The following GALK2 variants were observed in gnomAD, a reference collection of about 807,000 sequenced individuals.
GALK2 encodes the protein N-acetylgalactosamine kinase.
In GALK2, 36 loss-of-function variants were observed where a neutral mutation model predicts 52.4. That is an observed-to-expected ratio of 0.69 (90% CI 0.53 to 0.91). GALK2 has a LOEUF of 0.91. Among genes scored for constraint, GALK2 ranks in the 40% least tolerant of loss-of-function variants. The pLI is 0.00. For synonymous variants in GALK2, 176 were observed against 199.1 expected, an observed-to-expected ratio of 0.88 and a Z score of 0.98; for missense variants, 579 against 559.1, an observed-to-expected ratio of 1.04 and a Z score of -0.36.
intron 8 of GALK2, among the ~76,000 whole-genome samples, chr15:49,309,887 T>C (rs2035852245): frequency 6.6e-6 from 1 of 152,200 alleles, no homozygotes. Flanking sequence ...ATTACAGGCA[T>C]GAGCCACTGT....
intron 3 of GALK2, among the ~76,000 whole-genome samples, chr15:49,351,825 C>A (rs2042295626): frequency 6.6e-6 from 1 of 152,178 alleles, no homozygotes; most frequent in Non-Finnish European, 1.5e-5. Context: ...GGAGCCAGAT[C>A]TTTGTACATC....
intron 5 of GALK2, among the ~76,000 whole-genome samples, chr15:49,259,176 C>T (rs2091966821): frequency 1.3e-5 from 2 of 151,240 alleles, no homozygotes; most frequent in African/African-American, 4.9e-5. Context: ...GTGAGTAGTT[C>T]CATTATTTAT....
At chr15:49,202,734 G>A (rs2087890284) in intron 2 of GALK2, among the ~76,000 whole-genome samples, 1 of 152,146 alleles carries the variant, frequency 6.6e-6, no homozygotes, top group East Asian at 1.9e-4. Flanking sequence ...GGGATTGCTG[G>A]ATCATATGGT....
intron 2 of GALK2, among the ~76,000 whole-genome samples, chr15:49,209,675 A>G (rs888319850): frequency 6.6e-6 from 1 of 152,110 alleles, no homozygotes; most frequent in African/African-American, 2.4e-5. Flanking sequence ...TTGCATTTCT[A>G]GGATTAATCC....
chr15:49,292,347 C>T lies in GALK2; in HGVS notation c.777C>T (p.Ser259=). 2 of 1,613,934 alleles carry T rather than the reference C, an allele frequency of 1.2e-6. No individual in the cohort carries two copies. The highest frequency in any genetic ancestry group is 1.7e-4 in the Middle Eastern group (1 of 6,052). The part of the protein sequence containing the change: ...LAAKLLAKYK[S]LQWDKVLRLE... ...TGCAGCTCCTGGCTAAATACAAAAG[C>T]TTGCAATGGGACAAAGTACTGAGGC... is the stretch of plus-strand genomic sequence containing the variant. The change falls in exon 8 of 10, where the codon AGC becomes AGT. Residue 259 remains serine, a synonymous_variant. Transcript: ENST00000560031.
At chr15:49,267,995 T>C (rs1327315075) in intron 5 of GALK2, among the ~76,000 whole-genome samples, 1 of 152,218 alleles carries the variant, frequency 6.6e-6, no homozygotes, top group Non-Finnish European at 1.5e-5. Context: ...GGATTTTAAT[T>C]TGGTACATAT....
At chr15:49,322,215 C>T (rs1330349899) in intron 9 of GALK2, among the ~76,000 whole-genome samples, 1 of 152,078 alleles carries the variant, frequency 6.6e-6, no homozygotes, top group Non-Finnish European at 1.5e-5. Flanking sequence ...TTTTCATTTG[C>T]TGTATTTATT....
chr15:49,222,886 A>G (rs2141411414), intron 3 of GALK2, among the ~76,000 whole-genome samples: 1 of 152,312 alleles, frequency 6.6e-6, no homozygotes, highest in Middle Eastern at 3.4e-3. Context: ...TTTTAGCATC[A>G]GAGTGATGCT....
chr15:49,359,817 T>C (rs1216119959), intron 3 of GALK2, among the ~76,000 whole-genome samples: 1 of 138,272 alleles, frequency 7.2e-6, no homozygotes, highest in African/African-American at 2.7e-5. Flanking sequence ...TTATTCACAA[T>C]AGCAAAGACT....
chr15:49,170,062 A>T, upstream of GALK2: 1 of 641,750 alleles, frequency 1.6e-6, no homozygotes, highest in Non-Finnish European at 2.4e-6. Flanking sequence ...GCGAGGCCCT[A>T]GTCCCTCCCT....
chr15:49,323,202 G>C (rs1328184306), intron 9 of GALK2, among the ~76,000 whole-genome samples: 1 of 152,132 alleles, frequency 6.6e-6, no homozygotes, highest in Non-Finnish European at 1.5e-5. Flanking sequence ...GTCAGGCAGA[G>C]AAGGTGTTGG....
chr15:49,264,679 C>T (rs1396635612), intron 5 of GALK2, among the ~76,000 whole-genome samples: 1 of 151,990 alleles, frequency 6.6e-6, no homozygotes, highest in Admixed American at 6.5e-5. Flanking sequence ...TTTTTCTGTT[C>T]TGTTTTTTCC....
intron 5 of GALK2, among the ~76,000 whole-genome samples, chr15:49,260,348 G>A (rs993640124): frequency 2.6e-5 from 4 of 151,894 alleles, no homozygotes; most frequent in Non-Finnish European, 5.9e-5. Context: ...GTGTTTTTTG[G>A]CTGCATAAAT....
chr15:49,328,056 A>C lies in GALK2; in HGVS notation c.1274A>C (p.His425Pro), dbSNP rs752276156. 13 of 1,614,010 alleles carry C rather than the reference A, an allele frequency of 8.1e-6. No individual in the cohort carries two copies. Among genetic ancestry groups the C allele is most frequent in the Admixed American group, 1.7e-5 (1 of 60,000 alleles). ...DKLPSFLANVHKAYYQRSDGS... is the reference protein window; with the variant it reads ...DKLPSFLANVPKAYYQRSDGS... ...CTGCCCAGCTTTCTAGCAAATGTGC[A>C]CAAAGCTTATTACCAGAGGAGTGAT... The change falls in exon 10 of 10, where the codon CAC becomes CCC. Residue 425 changes from histidine (H) to proline (P), a missense_variant. Physicochemically the swap from His to Pro is moderately conservative, Grantham distance 77. Transcript: ENST00000560031.
chr15:49,231,192 C>T (rs1032829662), intron 3 of GALK2, among the ~76,000 whole-genome samples: 4 of 152,086 alleles, frequency 2.6e-5, no homozygotes, highest in African/African-American at 9.7e-5. Flanking sequence ...CTGCGGAGGC[C>T]TCAGGCAAAT....
intron 9 of GALK2, among the ~76,000 whole-genome samples, chr15:49,324,623 A>G (rs78952664): frequency 0.017 from 2,614 of 152,196 alleles, 94 homozygotes; most frequent in African/African-American, 0.06. Context: ...CTGTAAAGCA[A>G]TTTGAAGGCA....
intron 1 of GALK2, among the ~76,000 whole-genome samples, chr15:49,178,167 C>CA (rs376324541): frequency 0.016 from 1,042 of 66,450 alleles, 29 homozygotes; most frequent in Non-Finnish European, 0.021. Flanking sequence ...GACTCTGTTT[C>CA]AAAAAAAAAA....
chr15:49,294,954 G>A (rs2034325374), intron 8 of GALK2, among the ~76,000 whole-genome samples: 1 of 152,110 alleles, frequency 6.6e-6, no homozygotes, highest in Admixed American at 6.6e-5. Flanking sequence ...TGCACCAAGA[G>A]GTATTGTGTG....
At chr15:49,212,750 T>C (rs191856024) in intron 2 of GALK2, among the ~76,000 whole-genome samples, 1 of 152,346 alleles carries the variant, frequency 6.6e-6, no homozygotes, top group African/African-American at 2.4e-5. Flanking sequence ...AATTTTTTCA[T>C]TGGCCCACTG....
Sources: allele counts gnomAD v4.1 joint callset (sites outside exome capture counted in the v4.1 genomes callset), GRCh38; gene constraint gnomAD v4.1.1; transcripts MANE v1.5; gene names NCBI Gene and HGNC (gene_info 2026-07-23, HGNC 2026-07-21).